Variants in MAML3 observed in about 807,000 individuals in gnomAD.
MAML3 encodes the protein mastermind like transcriptional coactivator 3.
A neutral mutation model predicts 101.9 loss-of-function variants in MAML3; 27 were observed. The ratio of observed to expected loss-of-function variants is 0.27; its 90% CI spans 0.20 to 0.37. The LOEUF is 0.37. Among genes scored for constraint, MAML3 ranks in the 10% least tolerant of loss-of-function variants. MAML3 has a pLI of 1.00. For synonymous variants in MAML3, 501 were observed against 555.9 expected, an observed-to-expected ratio of 0.90 and a Z score of 1.39; for missense variants, 1,316 against 1,444.9, an observed-to-expected ratio of 0.91 and a Z score of 1.45.
chr4:140,119,925 G>C (rs1208206895), intron 1 of MAML3, among the ~76,000 whole-genome samples: 1 of 152,012 alleles, frequency 6.6e-6, no homozygotes, highest in East Asian at 1.9e-4. Context: ...TCACAATCAA[G>C]TTTGTCTCCT....
chr4:139,869,415 C>T (rs1731960085), intron 2 of MAML3, among the ~76,000 whole-genome samples: 1 of 152,126 alleles, frequency 6.6e-6, no homozygotes, highest in Non-Finnish European at 1.5e-5. Context: ...GTGAAAATGA[C>T]AAGGAGGCTG....
chr4:139,850,764 A>G (rs769744957), intron 2 of MAML3, among the ~76,000 whole-genome samples: 2 of 152,014 alleles, frequency 1.3e-5, no homozygotes, highest in Non-Finnish European at 2.9e-5. Context: ...GGCTGGTCTC[A>G]AACTCCTGAG....
chr4:139,728,879 T>G (rs1231940662), intron 3 of MAML3, among the ~76,000 whole-genome samples: 1 of 152,192 alleles, frequency 6.6e-6, no homozygotes, highest in Non-Finnish European at 1.5e-5. Flanking sequence ...GCCCTGGGCC[T>G]TCTTTGTGTC....
intron 1 of MAML3, among the ~76,000 whole-genome samples, chr4:140,121,604 T>C (rs1360624506): frequency 6.6e-6 from 1 of 152,244 alleles, no homozygotes; most frequent in African/African-American, 2.4e-5. Context: ...AACTAGAGTT[T>C]TACAGACATA....
chr4:139,725,827 C>T lies in MAML3; in HGVS notation c.2340G>A (p.Gln780=), dbSNP rs1340272441. The T allele has an allele frequency of 6.2e-7, 1 of 1,613,824 alleles. No homozygotes were observed. The highest frequency in any genetic ancestry group is 8.5e-7 in the Non-Finnish European group (1 of 1,179,768). The change falls in exon 4 of 5, where the codon CAG becomes CAA. Residue 780 remains glutamine, a synonymous_variant. Transcript: ENST00000509479. ...GGTGCTGCCGGGGTAGATGTGATTG[C>T]TGCAACTGCTAGAACAACAGAACAC... ...QQQILAEQQL[Q]QSHLPRQHLQ...
chr4:139,866,574 C>A (rs998651109), intron 2 of MAML3, among the ~76,000 whole-genome samples: 1 of 152,204 alleles, frequency 6.6e-6, no homozygotes, highest in Non-Finnish European at 1.5e-5. Flanking sequence ...AGACCCCGCC[C>A]AAGATGGAAT....
At chr4:139,963,703 G>A (rs977914000) in intron 1 of MAML3, among the ~76,000 whole-genome samples, 3 of 152,222 alleles carry the variant, frequency 2.0e-5, no homozygotes, top group Non-Finnish European at 2.9e-5. Context: ...GGAGGCATCA[G>A]AGACAATTGT....
chr4:139,831,071 C>T (rs539137119), intron 2 of MAML3, among the ~76,000 whole-genome samples: 2 of 152,240 alleles, frequency 1.3e-5, no homozygotes, highest in South Asian at 4.2e-4. Context: ...ATCAATGACA[C>T]AATCATGGCC....
chr4:140,145,078 T>TA (rs1729037217), intron 1 of MAML3, among the ~76,000 whole-genome samples: 1 of 152,148 alleles, frequency 6.6e-6, no homozygotes, highest in African/African-American at 2.4e-5. Flanking sequence ...TCTACACAAA[T>TA]AGACTTAGAG....
intron 1 of MAML3, among the ~76,000 whole-genome samples, chr4:140,090,287 G>A (rs376155862): frequency 1.3e-5 from 2 of 152,172 alleles, no homozygotes; most frequent in Non-Finnish European, 2.9e-5. Context: ...GAACTCTAGC[G>A]GAAATGATTC....
intron 2 of MAML3, among the ~76,000 whole-genome samples, chr4:139,834,011 G>T (rs571373659): frequency 2.6e-4 from 40 of 152,302 alleles, no homozygotes; most frequent in Admixed American, 2.0e-3. Context: ...GGGGCAGGGG[G>T]ATGCTCCCCC....
At chr4:140,120,780 AG>A (rs1266051751) in intron 1 of MAML3, among the ~76,000 whole-genome samples, 1 of 152,178 alleles carries the variant, frequency 6.6e-6, no homozygotes, top group Non-Finnish European at 1.5e-5. Flanking sequence ...GATAGGGAAA[AG>A]GTGTCCTTCA....
intron 2 of MAML3, among the ~76,000 whole-genome samples, chr4:139,875,963 A>G (rs528329139): frequency 1.4e-5 from 2 of 145,180 alleles, no homozygotes; most frequent in Non-Finnish European, 3.0e-5. Flanking sequence ...GGTCTTGCCT[A>G]TTACTTTTCT....
At chr4:140,062,821 G>A (rs151153263) in intron 1 of MAML3, among the ~76,000 whole-genome samples, 84 of 152,330 alleles carry the variant, frequency 5.5e-4, no homozygotes, top group African/African-American at 1.9e-3. Context: ...TTATGTAGAA[G>A]TCTTTTCCAC....
At chr4:139,928,160 C>T (rs1188088022) in intron 1 of MAML3, among the ~76,000 whole-genome samples, 1 of 152,230 alleles carries the variant, frequency 6.6e-6, no homozygotes, top group Non-Finnish European at 1.5e-5. Context: ...CTGGCCTTCT[C>T]CTTTCTGTAT....
At chr4:140,069,482 AAGG>A (rs1451097525) in intron 1 of MAML3, among the ~76,000 whole-genome samples, 7 of 119,176 alleles carry the variant, frequency 5.9e-5, no homozygotes, top group South Asian at 3.5e-4. Context: ...AAGGAAGAAG[AAGG>A]AGGAGGAGGA....
At position 140,110,481 on chromosome 4, in the gene MAML3, T is replaced by G. The variant is rs536449979; in HGVS notation, c.468+42379A>C. Among the ~76,000 whole-genome samples, 8 of 152,370 alleles carry G rather than the reference T, an allele frequency of 5.3e-5. No individual in the cohort carries two copies. In the South Asian group the frequency reaches 1.7e-3, roughly 32 times the overall value. ...GATGGCTACCTGACTGTCCGGCATT[T>G]GCATTCAGTACTGCATATTCCTGGT... On this transcript the variant is annotated intron_variant, in intron 1 of 4. Coordinates refer to ENST00000509479, the MANE Select transcript of MAML3 (RefSeq NM_018717.5).
intron 1 of MAML3, among the ~76,000 whole-genome samples, chr4:140,069,244 C>A (rs750808245): frequency 7.9e-5 from 12 of 152,036 alleles, no homozygotes; most frequent in Non-Finnish European, 1.8e-4. Context: ...TTGCACTATG[C>A]AGGGGCTGGC....
chr4:140,001,451 C>T (rs558828445), intron 1 of MAML3, among the ~76,000 whole-genome samples: 4 of 152,244 alleles, frequency 2.6e-5, no homozygotes, highest in African/African-American at 7.2e-5. Flanking sequence ...GTTAATAAGT[C>T]GCAGAGTGAG....
Sources: gnomAD v4.1 joint callset for allele counts (sites outside exome capture counted in the v4.1 genomes callset) on GRCh38, gnomAD v4.1.1 for gene constraint, MANE v1.5 for transcripts, NCBI Gene and HGNC (gene_info 2026-07-23, HGNC 2026-07-21) for gene names.